The following NCALD variants were observed in gnomAD, a reference collection of about 807,000 sequenced individuals.
NCALD encodes neurocalcin-delta.
A neutral mutation model predicts 18.6 loss-of-function variants in NCALD; 10 were observed. The observed-to-expected ratio is 0.54, with a 90% CI of 0.33 to 0.91. The LOEUF is 0.91. Ranked by LOEUF, NCALD falls within the 40% of genes least tolerant of loss-of-function variation. The probability of loss-of-function intolerance (pLI) is 0.03; values close to 1 mark genes in which losing one functional copy is unlikely to be tolerated. For missense variants in NCALD, 184 were observed against 247.6 expected (o/e 0.74, Z 1.72); for synonymous variants, 88 against 87.4 (o/e 1.01, Z -0.04).
At chr8:101,888,895 G>A (rs1407651139) in intron 3 of NCALD, among the ~76,000 whole-genome samples, 2 of 152,124 alleles carry the variant, frequency 1.3e-5, no homozygotes, top group Admixed American at 6.5e-5. Flanking sequence ...TAGACAGTGG[G>A]GAAGACATTG....
intron 2 of NCALD, among the ~76,000 whole-genome samples, chr8:101,921,351 G>A (rs1818158707): frequency 6.6e-6 from 1 of 151,146 alleles, no homozygotes; most frequent in African/African-American, 2.4e-5. Context: ...ATATGCAATT[G>A]TTTGGATTTC....
At chr8:101,957,288 G>GGT (rs1819664015) in intron 2 of NCALD, among the ~76,000 whole-genome samples, 2 of 128,252 alleles carry the variant, frequency 1.6e-5, no homozygotes, top group African/African-American at 6.2e-5. Flanking sequence ...GAAAAGTTGG[G>GGT]GTTTTTTTTT....
intron 2 of NCALD, among the ~76,000 whole-genome samples, chr8:101,928,600 C>CT (rs58400436): frequency 0.054 from 7,777 of 143,572 alleles, 602 homozygotes; most frequent in African/African-American, 0.17. Flanking sequence ...GCTATGGACA[C>CT]TTTTTTTTTT....
upstream of NCALD, among the ~76,000 whole-genome samples, chr8:101,792,415 G>T (rs1380752810): frequency 6.6e-6 from 1 of 152,146 alleles, no homozygotes; most frequent in African/African-American, 2.4e-5. Flanking sequence ...TGGGAGAAAA[G>T]ATAGATTTTT....
At chr8:101,765,573 C>G (rs1298558178) in intron 1 of NCALD, among the ~76,000 whole-genome samples, 1 of 152,160 alleles carries the variant, frequency 6.6e-6, no homozygotes, top group Non-Finnish European at 1.5e-5. Flanking sequence ...TTTGTTCATG[C>G]TCAGAATAAG....
intron 1 of NCALD, among the ~76,000 whole-genome samples, chr8:101,730,620 T>C (rs1816786735): frequency 6.6e-6 from 1 of 152,174 alleles, no homozygotes; most frequent in Non-Finnish European, 1.5e-5. Flanking sequence ...AGCACTGCCC[T>C]TGTGCTAAGC....
intron 4 of NCALD, among the ~76,000 whole-genome samples, chr8:101,878,787 G>C (rs549846679): frequency 1.4e-4 from 21 of 152,276 alleles, no homozygotes; most frequent in Admixed American, 5.9e-4. Flanking sequence ...GTGCTAAACA[G>C]TGATCAAGAT....
intron 4 of NCALD, among the ~76,000 whole-genome samples, chr8:101,851,616 G>T (rs969177023): frequency 6.6e-6 from 1 of 151,996 alleles, no homozygotes; most frequent in Non-Finnish European, 1.5e-5. Context: ...GAACTGACTG[G>T]ACCCCAGCTA....
chr8:102,051,508 A>AT (rs1187368803), intron 1 of NCALD, among the ~76,000 whole-genome samples: 2 of 152,024 alleles, frequency 1.3e-5, no homozygotes, highest in Non-Finnish European at 2.9e-5. Context: ...TTTTTTACTC[A>AT]TTTTTTTCAT....
chr8:101,772,853 T>C (rs1469184210), intron 1 of NCALD, among the ~76,000 whole-genome samples: 1 of 152,184 alleles, frequency 6.6e-6, no homozygotes, highest in East Asian at 1.9e-4. Flanking sequence ...TGAGAATGGG[T>C]TACCTCAAAG....
At chr8:102,115,694 A>G (rs1338709798) in intron 1 of NCALD, among the ~76,000 whole-genome samples, 1 of 152,196 alleles carries the variant, frequency 6.6e-6, no homozygotes, top group East Asian at 1.9e-4. Context: ...TTTGTAGTGG[A>G]TGCTTCCTGA....
intron 2 of NCALD, among the ~76,000 whole-genome samples, chr8:101,917,807 A>G (rs949996820): frequency 3.3e-5 from 5 of 152,050 alleles, no homozygotes; most frequent in Non-Finnish European, 1.5e-5. Flanking sequence ...ACCAATATCA[A>G]GTTTTGAACT....
rs1466422414 is a variant in NCALD, at chr8:101,891,329, T to A, written c.-106-4102A>T. Among the ~76,000 whole-genome samples the A allele has an allele frequency of 2.0e-5, 3 of 152,206 alleles. 1 individual carries two copies. The highest frequency in any genetic ancestry group is 4.4e-5 in the Non-Finnish European group (3 of 68,032). On this transcript the variant is annotated intron_variant, in intron 3 of 6. Coordinates refer to the NCALD transcript ENST00000311028. ...CTAATCTGTTCTCCATCTTTATAAT[T>A]TTGTCATTCCTAGAATATTAGTAAA...
At chr8:101,936,861 C>T (rs1818782913) in intron 2 of NCALD, among the ~76,000 whole-genome samples, 1 of 152,122 alleles carries the variant, frequency 6.6e-6, no homozygotes. Flanking sequence ...TCCACATGAC[C>T]TCCTGCAGGA....
At chr8:101,866,591 C>T (rs540193125) in intron 4 of NCALD, among the ~76,000 whole-genome samples, 1 of 152,278 alleles carries the variant, frequency 6.6e-6, no homozygotes, top group Admixed American at 6.5e-5. Flanking sequence ...ATTCTCATAA[C>T]GGCAATTCCA....
At chr8:101,877,338 T>G (rs541682997) in intron 4 of NCALD, among the ~76,000 whole-genome samples, 1 of 152,330 alleles carries the variant, frequency 6.6e-6, no homozygotes, top group Non-Finnish European at 1.5e-5. Flanking sequence ...AATGACTTCT[T>G]GTACCTCTCC....
intron 1 of NCALD, among the ~76,000 whole-genome samples, chr8:102,033,095 A>G (rs552343551): frequency 5.3e-5 from 8 of 152,330 alleles, no homozygotes; most frequent in African/African-American, 1.9e-4. Flanking sequence ...ACCACCGATA[A>G]CATACTTAGA....
intron 4 of NCALD, among the ~76,000 whole-genome samples, chr8:101,843,361 G>A (rs989977613): frequency 3.3e-5 from 5 of 152,114 alleles, no homozygotes; most frequent in African/African-American, 7.2e-5. Context: ...AGAACTAGAC[G>A]GAGTCAATAC....
chr8:101,988,969 G>C (rs1418994703), intron 2 of NCALD, among the ~76,000 whole-genome samples: 1 of 151,520 alleles, frequency 6.6e-6, no homozygotes, highest in Non-Finnish European at 1.5e-5. Context: ...AAGAGAGATG[G>C]AGAGGCGTCT....
Sources: gnomAD v4.1 joint callset for allele counts (sites outside exome capture counted in the v4.1 genomes callset) on GRCh38, gnomAD v4.1.1 for gene constraint, MANE v1.5 for transcripts, NCBI Gene and HGNC (gene_info 2026-07-23, HGNC 2026-07-21) for gene names.